MTSS1: variants seen among roughly 807,000 people sequenced by gnomAD.
The protein encoded by MTSS1 is MTSS I-BAR domain containing 1.
In MTSS1, 18 loss-of-function variants were observed where a neutral mutation model predicts 79.0. That is an observed-to-expected ratio of 0.23 (90% CI 0.16 to 0.34). MTSS1 has a LOEUF of 0.34. Among genes scored for constraint, MTSS1 ranks in the 10% least tolerant of loss-of-function variants. The pLI, the probability that MTSS1 is intolerant of heterozygous loss-of-function variation, is 1.00. For missense variants in MTSS1, 815 were observed against 986.2 expected (o/e 0.83, Z 2.33); for synonymous variants, 341 against 368.6 (o/e 0.93, Z 0.86).
At position 124,565,679 on chromosome 8, in the gene MTSS1, T is replaced by C. The variant is rs1826252444; in HGVS notation, c.807A>G (p.Arg269=). ...PPSSPSTTMS[R]KSSVCSSLNS... is the part of the protein sequence containing the mutation. ...TCACTCACCTGCAGACACTGGACTT[T>C]CTGGACATGGTGGTGCTGGGGGAAG... Residue 269 remains arginine (R), a synonymous_variant, in exon 9 of 14, where the codon AGA becomes AGG. Transcript: ENST00000518547. 1 of 1,614,098 alleles carries C rather than the reference T, an allele frequency of 6.2e-7. No homozygotes were observed. The highest frequency in any genetic ancestry group is 8.5e-7 in the Non-Finnish European group (1 of 1,179,970).
chr8:124,665,027 T>C (rs1472780411), intron 3 of MTSS1, among the ~76,000 whole-genome samples: 1 of 152,240 alleles, frequency 6.6e-6, no homozygotes, highest in Non-Finnish European at 1.5e-5. Context: ...TTGATAGTTC[T>C]TGGATTTGAG....
rs138812524 is a variant in MTSS1, at chr8:124,590,949, G to A, written c.293+202C>T. On this transcript the variant is annotated intron_variant, in intron 4 of 13. Transcript: ENST00000518547. ...GAGCACAGGCTCTGTGAAGGCAGGG[G>A]CCTGGCTGGCTGGTGATCTGCTGCA... is the stretch of plus-strand genomic sequence containing the variant. Among the ~76,000 whole-genome samples, 14 of 152,376 alleles carry A rather than the reference G, an allele frequency of 9.2e-5. No homozygotes were observed. In the East Asian group the frequency reaches 2.7e-3, roughly 29 times the overall value.
chr8:124,570,816 G>A (rs183637937), intron 6 of MTSS1, among the ~76,000 whole-genome samples: 233 of 152,178 alleles, frequency 1.5e-3, no homozygotes, highest in African/African-American at 5.0e-3. Context: ...GACTACCAGC[G>A]TGCACCACCA....
intron 3 of MTSS1, among the ~76,000 whole-genome samples, chr8:124,668,522 C>T (rs1823544451): frequency 6.6e-6 from 1 of 152,202 alleles, no homozygotes; most frequent in African/African-American, 2.4e-5. Flanking sequence ...TGGCTAAAAA[C>T]TTCCCAGTAG....
At chr8:124,603,273 G>A (rs541348266) in intron 3 of MTSS1, among the ~76,000 whole-genome samples, 2 of 152,222 alleles carry the variant, frequency 1.3e-5, no homozygotes, top group East Asian at 1.9e-4. Context: ...TGATCTGCCC[G>A]CCTCAGCCTC....
At chr8:124,591,954 T>A (rs373439991) in intron 3 of MTSS1, among the ~76,000 whole-genome samples, 8 of 124,052 alleles carry the variant, frequency 6.4e-5, no homozygotes, top group African/African-American at 6.4e-5. Flanking sequence ...CTGATTTTTT[T>A]ATTTTTTTTT....
rs987470642 is a variant in MTSS1 at position 124,728,172 on chromosome 8, G to A, written c.-217C>T. 14 of 429,716 alleles carry A rather than the reference G, an allele frequency of 3.3e-5. No individual in the cohort carries two copies. Among genetic ancestry groups the A allele is most frequent in the Non-Finnish European group, 4.9e-5 (12 of 243,762 alleles). 26.6% of individuals were successfully genotyped at this position (429,716 alleles called of 1,614,324 possible). A position where few individuals can be genotyped will look rare whatever the true frequency, so the allele number is the denominator to read the frequency against. On this transcript the variant is annotated 5_prime_UTR_variant, in exon 1 of 14. Coordinates refer to ENST00000518547, the MANE Select transcript of MTSS1 (RefSeq NM_014751.6). The surrounding 1 kb of genome is among the most constrained non-coding windows in gnomAD (Gnocchi z 6.1). ...AGCCAAACCGCTCTGTAGGGTATTC[G>A]CCTACAAGCAGCGCTCGGCTCCTGG... is the stretch of plus-strand genomic sequence containing the variant.
chr8:124,647,369 A>T (rs2134104531), intron 3 of MTSS1, among the ~76,000 whole-genome samples: 1 of 152,334 alleles, frequency 6.6e-6, no homozygotes, highest in East Asian at 1.9e-4. Flanking sequence ...GAGAAATTAA[A>T]ATTGTTATGT....
intron 6 of MTSS1, among the ~76,000 whole-genome samples, chr8:124,569,435 T>C (rs1267234001): frequency 5.3e-5 from 8 of 152,222 alleles, no homozygotes. Context: ...CCCCAGACCA[T>C]GGCCTCTTGC....
chr8:124,686,359 CT>C (rs1826989340), intron 3 of MTSS1, among the ~76,000 whole-genome samples: 1 of 152,154 alleles, frequency 6.6e-6, no homozygotes, highest in African/African-American at 2.4e-5. Flanking sequence ...CATATTTTCA[CT>C]CTGGGAAATG....
chr8:124,555,626 C>T (rs1240915756), intron 13 of MTSS1, 116 bp downstream of exon 13: 40 of 1,257,552 alleles, frequency 3.2e-5, no homozygotes, highest in Non-Finnish European at 4.1e-5. Flanking sequence ...GAAAACAATC[C>T]TGACACCTGT....
chr8:124,557,662 G>A lies in MTSS1; in HGVS notation c.1230+19C>T. On this transcript the variant is annotated intron_variant, in intron 11 of 13. Coordinates refer to ENST00000518547, the MANE Select transcript of MTSS1 (RefSeq NM_014751.6). Reference sequence around the variant, plus strand: ...ACAGAGGCAATGACGGGGAGAGGAGGAGGGGGAGAGACACAAACCTTCCAG... The same window carrying A: ...ACAGAGGCAATGACGGGGAGAGGAGAAGGGGGAGAGACACAAACCTTCCAG... The A allele has an allele frequency of 1.3e-6, 2 of 1,550,962 alleles. No individual in the cohort carries two copies. Among genetic ancestry groups the A allele is most frequent in the African/African-American group, 1.4e-5 (1 of 73,218 alleles).
intron 3 of MTSS1, among the ~76,000 whole-genome samples, chr8:124,679,517 G>A (rs918331969): frequency 4.3e-4 from 66 of 152,152 alleles, no homozygotes; most frequent in Admixed American, 3.8e-3. Context: ...GTGCATGCAC[G>A]GTCTTCCATT....
chr8:124,555,904 G>A lies in MTSS1; in HGVS notation c.1405C>T (p.Pro469Ser). 1.2e-6 allele frequency: 2 copies of A among 1,606,008 alleles called. No individual in the cohort carries two copies. Among genetic ancestry groups the A allele is most frequent in the Non-Finnish European group, 8.5e-7 (1 of 1,179,804 alleles). The change falls in exon 13 of 14, where the codon CCT (proline) becomes TCT (serine). Residue 469 changes from proline to serine, a missense_variant and splice_region_variant. This residue lies in a region of MTSS1 where 590 missense variants were observed against 620.8 expected (regional missense o/e 0.95). Transcript: ENST00000518547. ...RSMTVSAATRPGEEMEACEEL... is the reference protein window; with the variant it reads ...RSMTVSAATRSGEEMEACEEL... ...TCACAAGCCTCCATCTCCTCACCAG[G>A]CTGCAGGTTGGAGGAGAGAAATACA...
chr8:124,687,930 G>A (rs1218270071), intron 3 of MTSS1, among the ~76,000 whole-genome samples: 1 of 152,138 alleles, frequency 6.6e-6, no homozygotes, highest in Non-Finnish European at 1.5e-5. Flanking sequence ...TGATTTTAAA[G>A]GCAGGAAGAA....
At chr8:124,625,269 C>T (rs546297355) in intron 3 of MTSS1, among the ~76,000 whole-genome samples, 28 of 152,256 alleles carry the variant, frequency 1.8e-4, no homozygotes, top group Non-Finnish European at 4.0e-4. Context: ...GAACTCTGTA[C>T]CTGCTTTGTA....
chr8:124,717,666 G>T (rs193006028), intron 1 of MTSS1, among the ~76,000 whole-genome samples: 1 of 152,230 alleles, frequency 6.6e-6, no homozygotes, highest in South Asian at 2.1e-4. Context: ...TGCATACTCC[G>T]GTCTGGGGGA....
chr8:124,717,854 T>C (rs1832323112), intron 1 of MTSS1, among the ~76,000 whole-genome samples: 1 of 152,190 alleles, frequency 6.6e-6, no homozygotes, highest in Non-Finnish European at 1.5e-5. Flanking sequence ...AGGGCAGGGA[T>C]TTGTGTCCAT....
At chr8:124,684,386 G>A (rs529291084) in intron 3 of MTSS1, among the ~76,000 whole-genome samples, 6 of 152,204 alleles carry the variant, frequency 3.9e-5, no homozygotes, top group South Asian at 2.1e-4. Context: ...ACTGCAACAC[G>A]GTTTTATAAA....
Sources: allele counts gnomAD v4.1 joint callset (sites outside exome capture counted in the v4.1 genomes callset), GRCh38; gene constraint gnomAD v4.1.1; regional missense constraint gnomAD v4.1.1; non-coding constraint Gnocchi (gnomAD v3.1); transcripts MANE v1.5; gene names NCBI Gene and HGNC (gene_info 2026-07-23, HGNC 2026-07-21).